Variants in JAK2 observed in about 807,000 individuals in gnomAD.
JAK2 encodes the protein tyrosine-protein kinase JAK2.
In JAK2, 86 loss-of-function variants were observed where a neutral mutation model predicts 139.3. The observed-to-expected ratio is 0.62, with a 90% CI of 0.52 to 0.74. The LOEUF is 0.74. Among genes scored for constraint, JAK2 ranks in the 30% least tolerant of loss-of-function variants. The pLI is 0.00. For synonymous variants in JAK2, 490 were observed against 437.7 expected, an observed-to-expected ratio of 1.12 and a Z score of -1.49; for missense variants, 1,421 against 1,360.3, an observed-to-expected ratio of 1.04 and a Z score of -0.70.
intron 4 of JAK2, among the ~76,000 whole-genome samples, chr9:5,042,356 C>A (rs1266044749): frequency 1.3e-5 from 2 of 151,688 alleles, no homozygotes; most frequent in Non-Finnish European, 2.9e-5. Context: ...CCAGGATGGT[C>A]TCGATCTCCT....
At chr9:4,996,251 C>G (rs1002838541) in intron 2 of JAK2, among the ~76,000 whole-genome samples, 1 of 152,080 alleles carries the variant, frequency 6.6e-6, no homozygotes. Context: ...GAGTTCACCA[C>G]CAGCCTGACT....
intron 22 of JAK2, among the ~76,000 whole-genome samples, chr9:5,103,020 A>G (rs887011122): frequency 6.6e-6 from 1 of 152,042 alleles, no homozygotes; most frequent in African/African-American, 2.4e-5. Flanking sequence ...CATCATAATA[A>G]CAGGTTCAAA....
intron 22 of JAK2, among the ~76,000 whole-genome samples, chr9:5,102,376 G>A (rs1821571301): frequency 6.6e-6 from 1 of 152,302 alleles, no homozygotes; most frequent in South Asian, 2.1e-4. Context: ...AAGCCTACAA[G>A]AAATACAGGA....
chr9:5,112,531 G>A, intron 22 of JAK2: 2 of 591,982 alleles, frequency 3.4e-6, no homozygotes, highest in Non-Finnish European at 6.0e-6. Context: ...GCAGAAGGCC[G>A]AGTGGGAGAA....
rs558475602 is a variant in JAK2, at chr9:5,128,530, A to G, written c.*1739A>G. Among the ~76,000 whole-genome samples, 2 of 151,992 alleles carry G rather than the reference A, an allele frequency of 1.3e-5. No individual in the cohort carries two copies. Among genetic ancestry groups the G allele is most frequent in the African/African-American group, 4.8e-5 (2 of 41,568 alleles). ...GATTTTCATACTAAAACTTAACTAC[A>G]TACTTAAAAGTAGGTTCTTATCAAG... On this transcript the variant is annotated 3_prime_UTR_variant, in exon 25 of 25. Transcript: ENST00000381652.
intron 5 of JAK2, among the ~76,000 whole-genome samples, chr9:5,045,301 C>T (rs1816923251): frequency 1.3e-5 from 2 of 152,032 alleles, no homozygotes; most frequent in Non-Finnish European, 2.9e-5. Flanking sequence ...CCTCATGGCT[C>T]GCATTTCTGA....
intron 22 of JAK2, among the ~76,000 whole-genome samples, chr9:5,102,561 G>A (rs934007530): frequency 6.6e-6 from 1 of 152,056 alleles, no homozygotes; most frequent in Admixed American, 6.6e-5. Flanking sequence ...GATACTCCTC[G>A]AGAAGAGCAA....
At position 5,087,363 on chromosome 9, in the gene JAK2, A is replaced by G. The variant is rs528298758; in HGVS notation, c.2572-2311A>G. 5.3e-5 allele frequency among the ~76,000 whole-genome samples: 8 copies of G among 152,250 alleles called. No individual in the cohort carries two copies. In the East Asian group the frequency reaches 1.5e-3, roughly 29 times the overall value. On this transcript the variant is annotated intron_variant, in intron 19 of 24. Coordinates refer to ENST00000381652, the MANE Select transcript of JAK2 (RefSeq NM_004972.4). ...CTATCACGAGAACAGCATGGAGGAA[A>G]CCACCCGCATGATTCAGTTGCCTCC...
intron 22 of JAK2, among the ~76,000 whole-genome samples, chr9:5,093,391 T>A (rs1487383359): frequency 6.6e-6 from 1 of 152,130 alleles, no homozygotes; most frequent in Non-Finnish European, 1.5e-5. Flanking sequence ...ACATAATCAC[T>A]TGTTCCCTAA....
At chr9:5,093,069 A>T (rs1307297209) in intron 22 of JAK2, among the ~76,000 whole-genome samples, 1 of 152,320 alleles carries the variant, frequency 6.6e-6, no homozygotes, top group East Asian at 1.9e-4. Context: ...CTAATCTATT[A>T]TTTAATAGAA....
intron 6 of JAK2, among the ~76,000 whole-genome samples, chr9:5,051,519 T>C (rs903146749): frequency 2.0e-5 from 3 of 152,136 alleles, no homozygotes; most frequent in Non-Finnish European, 4.4e-5. Context: ...CAAATATGAA[T>C]TTTTACAGAT....
intron 9 of JAK2, 97 bp from the exon 10 acceptor site, chr9:5,066,581 C>T: frequency 1.4e-6 from 1 of 706,456 alleles, no homozygotes; most frequent in East Asian, 2.8e-5. Flanking sequence ...ACAATTCTGA[C>T]AGTTTTAGAT....
rs991423363 is a variant in JAK2 at position 5,123,211 on chromosome 9, C to T, written c.3177+90C>T. 4 of 748,402 alleles carry T rather than the reference C, an allele frequency of 5.3e-6. No homozygotes were observed. In the African/African-American group the frequency reaches 7.0e-5, roughly 13 times the overall value. The allele number at this position is 748,402 out of a possible 1,614,324, so 46.4% of individuals were successfully genotyped here. A position where few individuals can be genotyped will look rare whatever the true frequency, so the allele number is the denominator to read the frequency against. On this transcript the variant is annotated intron_variant, in intron 23 of 24. Transcript: ENST00000381652. ...GGTACAAGTACAATTTTGCTACATG[C>T]ATACATTGCATAGTGGTGAAGTCAG... is the stretch of plus-strand genomic sequence containing the variant.
At chr9:5,106,111 G>C (rs905870500) in intron 22 of JAK2, among the ~76,000 whole-genome samples, 1 of 152,176 alleles carries the variant, frequency 6.6e-6, no homozygotes, top group Non-Finnish European at 1.5e-5. Flanking sequence ...ACTACCATTA[G>C]AGTGGACAGG....
chr9:4,996,585 C>T (rs561218414), intron 2 of JAK2, among the ~76,000 whole-genome samples: 66 of 149,822 alleles, frequency 4.4e-4, no homozygotes, highest in Non-Finnish European at 6.4e-4. Flanking sequence ...TGAGGAGGGG[C>T]GGGGGTGATG....
chr9:5,042,470 T>TCCTCCCCTCCAAGA (rs1292959330), intron 4 of JAK2, among the ~76,000 whole-genome samples: 22 of 152,252 alleles, frequency 1.4e-4, no homozygotes, highest in South Asian at 8.3e-4. Context: ...CTGTGTCTAG[T>TCCTCCCCTCCAAGA]CCTCCCCTCC....
chr9:5,074,171 A>G (rs1819154823), intron 14 of JAK2, among the ~76,000 whole-genome samples: 1 of 152,132 alleles, frequency 6.6e-6, no homozygotes, highest in East Asian at 1.9e-4. Flanking sequence ...TTTTTAATGG[A>G]ACTGACAGAA....
At chr9:5,090,986 T>A (rs1447578616) in intron 22 of JAK2, 75 bp downstream of exon 22, 2 of 1,114,768 alleles carry the variant, frequency 1.8e-6, no homozygotes, top group East Asian at 5.0e-5. Flanking sequence ...TTTAATAGTT[T>A]GCCATTTCTA....
Position 5,126,742 on chromosome 9 carries a change from G to C in JAK2, c.3350G>C (p.Arg1117Thr). Residue 1117 changes from arginine (R) to threonine (T), a missense_variant, in exon 25 of 25, where the codon AGG becomes ACG. By Grantham distance (71) the Arg-to-Thr change is moderately conservative. Coordinates refer to ENST00000381652, the MANE Select transcript of JAK2 (RefSeq NM_004972.4). ...AATGTAAATCAACGCCCCTCCTTTA[G>C]GGATCTAGCTCTTCGAGTGGATCAA... ...NNNVNQRPSF[R>T]DLALRVDQIR... 1.2e-6 allele frequency: 2 copies of C among 1,611,054 alleles called. No individual in the cohort carries two copies. The highest frequency in any genetic ancestry group is 1.7e-6 in the Non-Finnish European group (2 of 1,177,752).
Sources: allele counts gnomAD v4.1 joint callset (sites outside exome capture counted in the v4.1 genomes callset), GRCh38; gene constraint gnomAD v4.1.1; transcripts MANE v1.5; gene names NCBI Gene and HGNC (gene_info 2026-07-23, HGNC 2026-07-21).